The following DCBLD2 variants were observed in gnomAD, a reference collection of about 807,000 sequenced individuals.
DCBLD2 encodes discoidin, CUB and LCCL domain-containing protein 2.
A neutral mutation model predicts 86.8 loss-of-function variants in DCBLD2; 54 were observed. The ratio of observed to expected loss-of-function variants is 0.62; its 90% CI spans 0.50 to 0.78. DCBLD2 has a LOEUF of 0.78. DCBLD2 is among the 30% of genes least tolerant of loss of function. The probability of loss-of-function intolerance (pLI) is 0.00; values close to 1 mark genes in which losing one functional copy is unlikely to be tolerated. For missense variants in DCBLD2, 908 were observed against 954.2 expected (o/e 0.95, Z 0.64); for synonymous variants, 354 against 341.3 (o/e 1.04, Z -0.41).
chr3:98,803,714 G>A (rs867098391), intron 13 of DCBLD2, among the ~76,000 whole-genome samples: 7 of 152,098 alleles, frequency 4.6e-5, no homozygotes, highest in African/African-American at 1.2e-4. Context: ...TTTGGGATAC[G>A]TCCCATCAAT....
intron 2 of DCBLD2, among the ~76,000 whole-genome samples, chr3:98,861,773 G>A (rs1943048466): frequency 6.6e-6 from 1 of 151,982 alleles, no homozygotes; most frequent in South Asian, 2.1e-4. Context: ...AGAGAAAGCA[G>A]GAAAGATCTA....
chr3:98,801,668 G>A lies in DCBLD2; in HGVS notation c.1671-19C>T, dbSNP rs1941722025. On this transcript the variant is annotated intron_variant, in intron 13 of 15. Transcript: ENST00000326840. The stretch of plus-strand genomic sequence containing the variant: ...TTTCTTTCTGGAAAAATACAGAAGA[G>A]AAGTTAGCAAACAGAGTAAATTCAC... 1 of 1,594,148 alleles carries A rather than the reference G, an allele frequency of 6.3e-7. No individual in the cohort carries two copies. The highest frequency in any genetic ancestry group is 8.6e-7 in the Non-Finnish European group (1 of 1,168,634).
intron 2 of DCBLD2, among the ~76,000 whole-genome samples, chr3:98,855,674 G>GT (rs1350664420): frequency 7.9e-5 from 12 of 152,130 alleles, no homozygotes; most frequent in Non-Finnish European, 1.5e-4. Flanking sequence ...GAGCATATAG[G>GT]TTTTTACCAC....
intron 1 of DCBLD2, among the ~76,000 whole-genome samples, chr3:98,887,531 T>C (rs1943584211): frequency 6.6e-6 from 1 of 152,000 alleles, no homozygotes. Flanking sequence ...GCCCTGGTAA[T>C]TTTCCTTGTT....
At chr3:98,870,791 AAGAAAG>A (rs1232172604) in intron 2 of DCBLD2, among the ~76,000 whole-genome samples, 1 of 151,018 alleles carries the variant, frequency 6.6e-6, no homozygotes, top group Non-Finnish European at 1.5e-5. Context: ...GAAAGAAAGA[AAGAAAG>A]AAAGAAAGAA....
intron 11 of DCBLD2, 25 bp downstream of exon 11, chr3:98,811,443 A>T: frequency 6.2e-7 from 1 of 1,613,384 alleles, no homozygotes; most frequent in Non-Finnish European, 8.5e-7. Context: ...GGAATATCAA[A>T]TTCTCACATT....
At chr3:98,828,010 C>G (rs1559776361) in intron 3 of DCBLD2, among the ~76,000 whole-genome samples, 1 of 152,198 alleles carries the variant, frequency 6.6e-6, no homozygotes, top group Non-Finnish European at 1.5e-5. Flanking sequence ...GATGCTGAGA[C>G]AACTGGATAT....
At chr3:98,822,169 T>A (rs959207978) in intron 6 of DCBLD2, 59 bp downstream of exon 6, 1 of 1,598,416 alleles carries the variant, frequency 6.3e-7, no homozygotes, top group Non-Finnish European at 8.6e-7. Flanking sequence ...CTTAGCCCAG[T>A]GCTACCCAGA....
chr3:98,871,210 A>AT (rs1213149732), intron 2 of DCBLD2, among the ~76,000 whole-genome samples: 2 of 152,152 alleles, frequency 1.3e-5, no homozygotes, highest in Non-Finnish European at 2.9e-5. Flanking sequence ...TTTTCAAGGT[A>AT]TAAGATCACA....
intron 13 of DCBLD2, among the ~76,000 whole-genome samples, chr3:98,807,650 T>C (rs1403218679): frequency 2.0e-5 from 3 of 152,168 alleles, no homozygotes; most frequent in African/African-American, 4.8e-5. Flanking sequence ...CTACAATTCC[T>C]TTAAGGCAAA....
At chr3:98,805,987 C>T (rs1941831133) in intron 13 of DCBLD2, among the ~76,000 whole-genome samples, 2 of 152,310 alleles carry the variant, frequency 1.3e-5, no homozygotes, top group South Asian at 2.1e-4. Flanking sequence ...GTTATTTATG[C>T]CCATAAACTA....
At chr3:98,844,425 T>C (rs1942682560) in intron 3 of DCBLD2, among the ~76,000 whole-genome samples, 1 of 151,700 alleles carries the variant, frequency 6.6e-6, no homozygotes, top group African/African-American at 2.4e-5. Flanking sequence ...TAATGCAGTC[T>C]TGGCTCACTG....
chr3:98,876,469 T>G (rs111471424), intron 2 of DCBLD2, among the ~76,000 whole-genome samples: 2,308 of 129,918 alleles, frequency 0.018, 53 homozygotes, highest in African/African-American at 0.063. Context: ...GAAAAAACAG[T>G]TCAATTTCAC....
At chr3:98,851,309 A>G (rs1167647221) in intron 2 of DCBLD2, among the ~76,000 whole-genome samples, 1 of 151,844 alleles carries the variant, frequency 6.6e-6, no homozygotes, top group Non-Finnish European at 1.5e-5. Flanking sequence ...TAACAGACAG[A>G]GAGCCAAATC....
chr3:98,848,808 A>G (rs565721022), intron 3 of DCBLD2, among the ~76,000 whole-genome samples: 17 of 152,320 alleles, frequency 1.1e-4, no homozygotes, highest in African/African-American at 4.1e-4. Context: ...AGCACTATGA[A>G]GTGGTAAACT....
At chr3:98,841,392 A>G (rs1293891918) in intron 3 of DCBLD2, among the ~76,000 whole-genome samples, 1 of 152,244 alleles carries the variant, frequency 6.6e-6, no homozygotes, top group Non-Finnish European at 1.5e-5. Flanking sequence ...AACATTTTCA[A>G]GACATAATAA....
At chr3:98,840,895 C>T (rs1942608436) in intron 3 of DCBLD2, among the ~76,000 whole-genome samples, 1 of 152,176 alleles carries the variant, frequency 6.6e-6, no homozygotes, top group South Asian at 2.1e-4. Context: ...CACGAAGTAT[C>T]ACACATATGG....
At chr3:98,877,765 G>A (rs1943395958) in intron 2 of DCBLD2, among the ~76,000 whole-genome samples, 1 of 152,056 alleles carries the variant, frequency 6.6e-6, no homozygotes, top group Non-Finnish European at 1.5e-5. Flanking sequence ...TCCAGGGCTG[G>A]AGCAGGGCAA....
chr3:98,836,733 C>CA (rs538331731), intron 3 of DCBLD2, among the ~76,000 whole-genome samples: 1 of 34,620 alleles, frequency 2.9e-5, no homozygotes, highest in African/African-American at 5.5e-5. Flanking sequence ...GGCTGACCCC[C>CA]CCATCTCCCT....
Sources: gnomAD v4.1 joint callset for allele counts (sites outside exome capture counted in the v4.1 genomes callset) on GRCh38, gnomAD v4.1.1 for gene constraint, MANE v1.5 for transcripts, NCBI Gene and HGNC (gene_info 2026-07-23, HGNC 2026-07-21) for gene names.